The following SULT1E1 variants were observed in gnomAD, a reference collection of about 807,000 sequenced individuals.
The protein encoded by SULT1E1 is sulfotransferase 1E1.
SULT1E1 carries 36 observed loss-of-function variants against 33.6 expected under a neutral mutation model. The observed-to-expected ratio is 1.07, with a 90% CI of 0.82 to 1.41. SULT1E1 has a LOEUF of 1.41. SULT1E1 is among the 40% of genes most tolerant of loss of function. SULT1E1 has a pLI of 0.00. For synonymous variants in SULT1E1, 121 were observed against 111.7 expected (o/e 1.08, Z -0.53); for missense variants, 371 against 345.7 (o/e 1.07, Z -0.58).
chr4:69,830,840 G>T, the SULT1E1 span, among the ~76,000 whole-genome samples: 1 of 152,184 alleles, frequency 6.6e-6, no homozygotes, highest in African/African-American at 2.4e-5. Context: ...GCTTCTCTGT[G>T]TAGGAGGGAG....
chr4:69,830,820 A>G, the SULT1E1 span, among the ~76,000 whole-genome samples: 1 of 152,182 alleles, frequency 6.6e-6, no homozygotes, highest in East Asian at 1.9e-4. Flanking sequence ...CAAGTCTATA[A>G]AAGCCTGTGG....
At chr4:69,846,650 G>T (rs1299835525) in intron 6 of SULT1E1, among the ~76,000 whole-genome samples, 1 of 151,500 alleles carries the variant, frequency 6.6e-6, no homozygotes, top group African/African-American at 2.4e-5. Flanking sequence ...GAATTTCAGG[G>T]TCTTAAACTA....
chr4:69,854,191 T>C lies in SULT1E1; in HGVS notation c.369+26A>G, dbSNP rs768930355. 3 of 1,568,322 alleles carry C rather than the reference T, an allele frequency of 1.9e-6. No individual in the cohort carries two copies. The Admixed American group carries it at 5.2e-5, about 27-fold the overall frequency. On this transcript the variant is annotated intron_variant, in intron 4 of 7. Transcript: ENST00000226444. Reference sequence around the variant, plus strand: ...TATCATTTCTTGGAATTGGATGAAGTTTTGAGAACACTTGACTCTGGTTAC... The same window carrying C: ...TATCATTTCTTGGAATTGGATGAAGCTTTGAGAACACTTGACTCTGGTTAC...
the SULT1E1 span, among the ~76,000 whole-genome samples, chr4:69,823,285 G>T: frequency 6.6e-6 from 1 of 152,108 alleles, no homozygotes; most frequent in Non-Finnish European, 1.5e-5. Context: ...CAGCCCAGAT[G>T]GTCGTTATCT....
chr4:69,823,237 C>T, the SULT1E1 span, among the ~76,000 whole-genome samples: 2 of 152,308 alleles, frequency 1.3e-5, no homozygotes, highest in East Asian at 1.9e-4. Flanking sequence ...CAGGCTATGA[C>T]AGGCTGATAA....
downstream of SULT1E1, among the ~76,000 whole-genome samples, chr4:69,839,687 C>T (rs1318736099): frequency 6.6e-6 from 1 of 152,176 alleles, no homozygotes; most frequent in African/African-American, 2.4e-5. Flanking sequence ...TTGGCCACCC[C>T]TATGTATTTT....
In SULT1E1 at chr4:69,841,497, C is replaced by T. The variant is rs1720884948; in HGVS notation, c.*497G>A. On this transcript the variant is annotated 3_prime_UTR_variant, in exon 8 of 8. Transcript: ENST00000226444. The stretch of plus-strand genomic sequence containing the variant: ...TTGGGAGGCTGGTGTGGGAAGATCA[C>T]TTGAGCTCAAGGGTTTCAGACCAGC... 6.6e-6 allele frequency: 1 copy of T among 152,520 alleles called. No individual in the cohort carries two copies. The highest frequency in any genetic ancestry group is 1.5e-5 in the Non-Finnish European group (1 of 68,374). 9.4% of individuals were successfully genotyped at this position (152,520 alleles called of 1,614,324 possible).
chr4:69,824,090 T>C, the SULT1E1 span, among the ~76,000 whole-genome samples: 4 of 152,182 alleles, frequency 2.6e-5, no homozygotes, highest in Non-Finnish European at 5.9e-5. Flanking sequence ...GCCCTTGGTA[T>C]TAAGTCATTC....
In SULT1E1 at chr4:69,842,099, T is replaced by C. The variant is rs1174653794; in HGVS notation, c.780A>G (p.Thr260=). The part of the protein sequence containing the change: ...KLSPFMRKGI[T]GDWKNHFTVA... Reference sequence around the variant, plus strand: ...CTGTAAAGTGATTTTTCCAGTCTCCTGTAATTCCTGTAACAAAAAAGAAAG... The same window carrying C: ...CTGTAAAGTGATTTTTCCAGTCTCCCGTAATTCCTGTAACAAAAAAGAAAG... The change falls in exon 8 of 8, where the codon ACA becomes ACG. Residue 260 remains threonine, a synonymous_variant. Transcript: ENST00000226444. 4.5e-6 allele frequency: 7 copies of C among 1,562,770 alleles called. No homozygotes were observed. Among genetic ancestry groups the C allele is most frequent in the Middle Eastern group, 1.7e-4 (1 of 5,994 alleles).
At chr4:69,828,374 C>T in the SULT1E1 span, among the ~76,000 whole-genome samples, 1 of 152,160 alleles carries the variant, frequency 6.6e-6, no homozygotes, top group African/African-American at 2.4e-5. Flanking sequence ...GGCTTCACTC[C>T]TGAAGTCAGC....
At chr4:69,857,431 A>G (rs546153194) in intron 2 of SULT1E1, 69 bp downstream of exon 2, 16 of 1,513,408 alleles carry the variant, frequency 1.1e-5, no homozygotes, top group Non-Finnish European at 8.0e-6. Flanking sequence ...CGACATGAAC[A>G]CCTTAATATT....
At chr4:69,858,818 C>G (rs562202441) in intron 1 of SULT1E1, among the ~76,000 whole-genome samples, 1 of 152,018 alleles carries the variant, frequency 6.6e-6, no homozygotes, top group Non-Finnish European at 1.5e-5. Context: ...ATAAAATGCA[C>G]CACGATTTGT....
At chr4:69,851,631 C>T (rs553938957) in intron 4 of SULT1E1, among the ~76,000 whole-genome samples, 1 of 152,228 alleles carries the variant, frequency 6.6e-6, no homozygotes, top group South Asian at 2.1e-4. Flanking sequence ...TGGGTATATA[C>T]CCAAAGGATT....
downstream of SULT1E1, among the ~76,000 whole-genome samples, chr4:69,840,452 C>T (rs1032812714): frequency 6.6e-6 from 1 of 151,964 alleles, no homozygotes; most frequent in South Asian, 2.1e-4. Flanking sequence ...AAAAAGAATA[C>T]AATTTTAAAA....
the SULT1E1 span, among the ~76,000 whole-genome samples, chr4:69,827,537 G>C: frequency 6.6e-6 from 1 of 152,084 alleles, no homozygotes; most frequent in African/African-American, 2.4e-5. Flanking sequence ...AGCTACAAGA[G>C]GCCTTAAGGA....
chr4:69,842,046 T>C lies in SULT1E1; in HGVS notation c.833A>G (p.His278Arg), dbSNP rs1193885357. The C allele has an allele frequency of 1.9e-6, 3 of 1,609,200 alleles. No individual in the cohort carries two copies. Among genetic ancestry groups the C allele is most frequent in the Non-Finnish European group, 2.5e-6 (3 of 1,178,302 alleles). ...AGATTCCTTCATTTGCTGCTCATAATGTTTATCAAATTTTTCATTCAGGGC... is the reference window on the plus strand; with the variant it reads ...AGATTCCTTCATTTGCTGCTCATAACGTTTATCAAATTTTTCATTCAGGGC... ...TVALNEKFDK[H>R]YEQQMKESTL... Residue 278 changes from histidine (H) to arginine (R), a missense_variant, in exon 8 of 8, where the codon CAT becomes CGT. By Grantham distance (29) the His-to-Arg change is conservative (BLOSUM62 0). Transcript: ENST00000226444.
chr4:69,857,400 A>C lies in SULT1E1; in HGVS notation c.145+100T>G, dbSNP rs936477946. 3.2e-5 allele frequency: 45 copies of C among 1,404,960 alleles called. No individual in the cohort carries two copies. In the South Asian group the frequency reaches 6.7e-4, roughly 21 times the overall value. 87.0% of individuals were successfully genotyped at this position (1,404,960 alleles called of 1,614,324 possible). The stretch of plus-strand genomic sequence containing the variant: ...TATCAAAACTACCGCATCTGTTCTT[A>C]ATATAGAGAATGAGTGTGTACGACA... On this transcript the variant is annotated intron_variant, in intron 2 of 7. Coordinates refer to ENST00000226444, the MANE Select transcript of SULT1E1 (RefSeq NM_005420.3).
At chr4:69,834,504 C>A in the SULT1E1 span, among the ~76,000 whole-genome samples, 11 of 152,162 alleles carry the variant, frequency 7.2e-5, no homozygotes, top group African/African-American at 2.4e-4. Flanking sequence ...CAGTGTTCAT[C>A]TCAAGCTGCT....
At chr4:69,829,915 A>G in the SULT1E1 span, among the ~76,000 whole-genome samples, 1 of 152,132 alleles carries the variant, frequency 6.6e-6, no homozygotes, top group South Asian at 2.1e-4. Flanking sequence ...AAAGAGATGG[A>G]GCCTGGTCTG....
Sources: allele counts gnomAD v4.1 joint callset (sites outside exome capture counted in the v4.1 genomes callset), GRCh38; gene constraint gnomAD v4.1.1; transcripts MANE v1.5; gene names NCBI Gene and HGNC (gene_info 2026-07-23, HGNC 2026-07-21).